PTPRT: variants seen among roughly 807,000 people sequenced by gnomAD.
PTPRT encodes receptor-type tyrosine-protein phosphatase T.
Under a neutral mutation model 176.8 loss-of-function variants are expected in PTPRT, and 56 were observed. The observed-to-expected ratio is 0.32, with a 90% CI of 0.26 to 0.40. The LOEUF (loss-of-function observed/expected upper bound fraction) is 0.40. PTPRT is among the 10% of genes least tolerant of loss of function. PTPRT has a pLI of 1.00. For missense variants in PTPRT, 1,540 were observed against 1,908.2 expected (o/e 0.81, Z 3.60); for synonymous variants, 783 against 739.0 (o/e 1.06, Z -0.96).
intron 9 of PTPRT, among the ~76,000 whole-genome samples, chr20:42,353,027 A>T (rs1395148093): frequency 6.6e-6 from 1 of 152,236 alleles, no homozygotes; most frequent in African/African-American, 2.4e-5. Flanking sequence ...TAGACAACAT[A>T]AAAATTGAAT....
At chr20:42,747,361 T>C (rs2076705793) in intron 6 of PTPRT, among the ~76,000 whole-genome samples, 1 of 152,194 alleles carries the variant, frequency 6.6e-6, no homozygotes, top group African/African-American at 2.4e-5. Context: ...CAGGTACTGC[T>C]GGTCTAGCAG....
intron 18 of PTPRT, among the ~76,000 whole-genome samples, chr20:42,130,730 T>C (rs1047230070): frequency 2.6e-5 from 4 of 152,166 alleles, no homozygotes; most frequent in African/African-American, 9.7e-5. Context: ...AATGCGACTT[T>C]TCTTACTCAT....
At chr20:42,918,654 C>T (rs1978942441) in intron 1 of PTPRT, among the ~76,000 whole-genome samples, 2 of 152,146 alleles carry the variant, frequency 1.3e-5, no homozygotes, top group African/African-American at 4.8e-5. Flanking sequence ...TACTACTGTA[C>T]AAACTTGCAC....
intron 2 of PTPRT, among the ~76,000 whole-genome samples, chr20:42,830,688 C>G (rs568635653): frequency 2.6e-5 from 4 of 151,700 alleles, no homozygotes; most frequent in South Asian, 2.1e-4. Flanking sequence ...GATTTTATAT[C>G]TATATAAATC....
chr20:42,361,773 A>G (rs1001129573), intron 9 of PTPRT, among the ~76,000 whole-genome samples: 1 of 152,140 alleles, frequency 6.6e-6, no homozygotes. Flanking sequence ...GACCCTAGAC[A>G]TTGTGGAGCT....
intron 12 of PTPRT, among the ~76,000 whole-genome samples, chr20:42,315,446 T>A (rs764961607): frequency 6.6e-6 from 1 of 152,182 alleles, no homozygotes; most frequent in African/African-American, 2.4e-5. Flanking sequence ...AAAGGTTTTA[T>A]GTAAAAAGCC....
At chr20:42,153,506 T>C (rs181653896) in intron 17 of PTPRT, among the ~76,000 whole-genome samples, 43 of 152,258 alleles carry the variant, frequency 2.8e-4, no homozygotes, top group Non-Finnish European at 5.0e-4. Flanking sequence ...GGAGATCCTG[T>C]ATTAAATACA....
At chr20:42,274,135 T>G (rs940191956) in intron 13 of PTPRT, among the ~76,000 whole-genome samples, 7 of 152,238 alleles carry the variant, frequency 4.6e-5, no homozygotes, top group African/African-American at 1.4e-4. Context: ...GTCTGTTCCA[T>G]CTATCCTTGG....
At chr20:42,537,087 GAAAAAAA>G in intron 7 of PTPRT, among the ~76,000 whole-genome samples, 1 of 146,442 alleles carries the variant, frequency 6.8e-6, no homozygotes, top group East Asian at 2.0e-4. Flanking sequence ...GAGACAAGTG[GAAAAAAA>G]AAACCCTAAG....
At position 42,323,217 on chromosome 20, in the gene PTPRT, C is replaced by G. The variant is rs531531815; in HGVS notation, c.1866-7221G>C. Among the ~76,000 whole-genome samples, 109 of 152,308 alleles carry G rather than the reference C, an allele frequency of 7.2e-4. 1 individual carries two copies. The highest frequency in any genetic ancestry group is 2.4e-3 in the African/African-American group (101 of 41,574). On this transcript the variant is annotated intron_variant, in intron 11 of 30. Coordinates refer to ENST00000373187, the MANE Select transcript of PTPRT (RefSeq NM_007050.6). ...GTCACTGTGGCGATTCCTCAGGGAT[C>G]TAGAACTAGAAATACCATTTGACCC... is the stretch of plus-strand genomic sequence containing the variant.
In PTPRT at chr20:42,917,932, T is replaced by C. The variant is rs1170657028; in HGVS notation, c.89-32000A>G. ...TCCTCCCTGAAGGTGTAGGACTTGCTCATTTGACTGATAAAGCTTGCCATT... is the reference window on the plus strand; with the variant it reads ...TCCTCCCTGAAGGTGTAGGACTTGCCCATTTGACTGATAAAGCTTGCCATT... On this transcript the variant is annotated intron_variant, in intron 1 of 30. Transcript: ENST00000373187. Among the ~76,000 whole-genome samples, 36 of 152,146 alleles carry C rather than the reference T, an allele frequency of 2.4e-4. 1 individual carries two copies. Among genetic ancestry groups the C allele is most frequent in the Admixed American group, 2.4e-3 (36 of 15,274 alleles).
intron 7 of PTPRT, among the ~76,000 whole-genome samples, chr20:42,514,527 TA>T (rs1389361188): frequency 6.6e-6 from 1 of 152,202 alleles, no homozygotes; most frequent in African/African-American, 2.4e-5. Context: ...ATGTTGCAAA[TA>T]TTTTCTGCCA....
At chr20:43,139,128 C>T (rs1273764212) in intron 1 of PTPRT, among the ~76,000 whole-genome samples, 1 of 152,338 alleles carries the variant, frequency 6.6e-6, no homozygotes, top group South Asian at 2.1e-4. Context: ...CCGCATGGTA[C>T]AGGCAAGAAG....
At chr20:42,143,063 G>A (rs762988731) in intron 17 of PTPRT, among the ~76,000 whole-genome samples, 7 of 152,172 alleles carry the variant, frequency 4.6e-5, no homozygotes, top group East Asian at 1.9e-4. Context: ...TATCTAGAGC[G>A]GATGGGGGAG....
intron 7 of PTPRT, among the ~76,000 whole-genome samples, chr20:42,632,083 C>G (rs1045974746): frequency 6.6e-5 from 10 of 152,108 alleles, no homozygotes; most frequent in Non-Finnish European, 1.5e-5. Context: ...GACTAGCCCC[C>G]AGTAGAAACC....
rs1982977535 is a variant in PTPRT, at chr20:42,078,316, T to C, written c.*2563A>G. 4.8e-6 allele frequency: 1 copy of C among 209,940 alleles called. No homozygotes were observed. Among genetic ancestry groups the C allele is most frequent in the Admixed American group, 5.9e-5 (1 of 16,906 alleles). The allele number at this position is 209,940 out of a possible 1,614,324, so 13.0% of individuals were successfully genotyped here. On this transcript the variant is annotated 3_prime_UTR_variant, in exon 31 of 31. Coordinates refer to ENST00000373187, the MANE Select transcript of PTPRT (RefSeq NM_007050.6). ...AGCCCATGCCAATGGAAGCAACTTT[T>C]GTCGGCTCCTTTCATGTTCCATCCT...
intron 7 of PTPRT, among the ~76,000 whole-genome samples, chr20:42,555,369 C>A (rs6016826): frequency 0.51 from 77,127 of 151,966 alleles, 19,985 homozygotes; most frequent in African/African-American, 0.61. Flanking sequence ...CAGTCTAGGG[C>A]GGCCAGGTGC....
intron 1 of PTPRT, among the ~76,000 whole-genome samples, chr20:43,110,083 T>C (rs561470719): frequency 7.9e-5 from 12 of 152,316 alleles, no homozygotes; most frequent in African/African-American, 2.6e-4. Flanking sequence ...TGATTTTGGA[T>C]GCCTGGAAGG....
chr20:42,279,359 G>A (rs577113641), intron 13 of PTPRT, among the ~76,000 whole-genome samples: 6 of 152,192 alleles, frequency 3.9e-5, no homozygotes, highest in Admixed American at 3.3e-4. Flanking sequence ...TGGTAAGGCA[G>A]TGATCAGGGT....
Sources: gnomAD v4.1 joint callset for allele counts (sites outside exome capture counted in the v4.1 genomes callset) on GRCh38, gnomAD v4.1.1 for gene constraint, MANE v1.5 for transcripts, NCBI Gene and HGNC (gene_info 2026-07-23, HGNC 2026-07-21) for gene names.